Variants in TYW1B observed in about 807,000 individuals in gnomAD.
TYW1B encodes S-adenosyl-L-methionine-dependent tRNA 4-demethylwyosine synthase TYW1B.
TYW1B carries 73 observed loss-of-function variants against 86.9 expected under a neutral mutation model. That is an observed-to-expected ratio of 0.84 (90% CI 0.70 to 1.02). The LOEUF is 1.02. TYW1B is among the 50% of genes least tolerant of loss of function. The pLI is 0.00. For missense variants in TYW1B, 637 were observed against 827.4 expected (o/e 0.77, Z 2.82); for synonymous variants, 248 against 292.8 (o/e 0.85, Z 1.56).
chr7:72,811,062 G>A (rs1292756853), intron 3 of TYW1B, among the ~76,000 whole-genome samples: 1 of 151,790 alleles, frequency 6.6e-6, no homozygotes. Flanking sequence ...ACAAGGTCAG[G>A]AGATCGAGAC....
At chr7:72,591,692 G>T (rs536807708) in intron 13 of TYW1B, among the ~76,000 whole-genome samples, 1 of 152,174 alleles carries the variant, frequency 6.6e-6, no homozygotes, top group African/African-American at 2.4e-5. Context: ...CCTACAGGTT[G>T]AAATGAAAGG....
intron 11 of TYW1B, among the ~76,000 whole-genome samples, chr7:72,675,888 A>G (rs1332084908): frequency 6.6e-6 from 1 of 152,206 alleles, no homozygotes; most frequent in Admixed American, 6.5e-5. Flanking sequence ...CTATTACATA[A>G]TATTTCATAA....
At chr7:72,601,663 A>G (rs1176817008) in intron 13 of TYW1B, among the ~76,000 whole-genome samples, 7 of 151,460 alleles carry the variant, frequency 4.6e-5, no homozygotes, top group Non-Finnish European at 8.8e-5. Flanking sequence ...CATCCACACA[A>G]TGGGAGTTTT....
chr7:72,752,156 C>T (rs13224992), intron 7 of TYW1B, among the ~76,000 whole-genome samples: 104,333 of 152,014 alleles, frequency 0.69, 36,747 homozygotes, highest in Non-Finnish European at 0.77. Flanking sequence ...CAGCCAACAT[C>T]ATAACTCTTG....
chr7:72,694,339 T>C (rs560023968), intron 11 of TYW1B, among the ~76,000 whole-genome samples: 13 of 152,188 alleles, frequency 8.5e-5, no homozygotes, highest in Non-Finnish European at 1.8e-4. Context: ...CAATCTTCCA[T>C]AGATTCCGGG....
chr7:72,738,628 CA>C, intron 8 of TYW1B, among the ~76,000 whole-genome samples: 1 of 152,272 alleles, frequency 6.6e-6, no homozygotes, highest in East Asian at 1.9e-4. Flanking sequence ...GAGACATTGT[CA>C]AATGTTCCAA....
chr7:72,632,285 G>GTA (rs1239640717), intron 11 of TYW1B, among the ~76,000 whole-genome samples: 31 of 83,546 alleles, frequency 3.7e-4, no homozygotes, highest in Middle Eastern at 5.6e-3. Context: ...ATATATACGT[G>GTA]TATATATATA....
At chr7:72,625,167 C>T (rs1554438573) in intron 12 of TYW1B, among the ~76,000 whole-genome samples, 2 of 152,048 alleles carry the variant, frequency 1.3e-5, no homozygotes, top group Non-Finnish European at 2.9e-5. Flanking sequence ...TGCCTATTTT[C>T]AATAAAACAT....
At chr7:72,582,569 G>A (rs1383300360) in intron 13 of TYW1B, among the ~76,000 whole-genome samples, 1 of 152,122 alleles carries the variant, frequency 6.6e-6, no homozygotes, top group Non-Finnish European at 1.5e-5. Context: ...TAGAAGTTGC[G>A]TTTCCTGTGA....
At chr7:72,633,375 C>T (rs1160583190) in intron 11 of TYW1B, among the ~76,000 whole-genome samples, 9 of 152,232 alleles carry the variant, frequency 5.9e-5, no homozygotes, top group Non-Finnish European at 2.9e-5. Context: ...GCCAAAAACC[C>T]TCCCAAGCTA....
intron 12 of TYW1B, among the ~76,000 whole-genome samples, chr7:72,622,635 A>C (rs1422135650): frequency 3.3e-5 from 5 of 151,986 alleles, no homozygotes; most frequent in African/African-American, 1.2e-4. Flanking sequence ...ACACAAACAC[A>C]CACACATACA....
At chr7:72,741,521 T>C (rs1478540934) in intron 8 of TYW1B, among the ~76,000 whole-genome samples, 1 of 151,974 alleles carries the variant, frequency 6.6e-6, no homozygotes, top group Non-Finnish European at 1.5e-5. Context: ...TACCAACATA[T>C]GCATAATAAA....
At position 72,616,708 on chromosome 7, in the gene TYW1B, G is replaced by A. The variant is rs377744260; in HGVS notation, c.1749C>T (p.His583=). 77 of 1,614,148 alleles carry A rather than the reference G, an allele frequency of 4.8e-5. 1 individual carries two copies. Among genetic ancestry groups the A allele is most frequent in the African/African-American group, 3.9e-4 (29 of 75,060 alleles). The stretch of plus-strand genomic sequence containing the variant: ...CTATCAGGAGGCAATTAGAGTGTTC[G>A]TGTTCACATGCAATTTCATATTCGG... ...LIPEYEIACE[H]EHSNCLLIAH... is the part of the protein sequence containing the mutation. Residue 583 remains histidine (H), a synonymous_variant, in exon 13 of 14, where the codon CAC becomes CAT. Transcript: ENST00000620995.
chr7:72,592,936 AC>A (rs1811430632), intron 13 of TYW1B, among the ~76,000 whole-genome samples: 1 of 152,242 alleles, frequency 6.6e-6, no homozygotes, highest in African/African-American at 2.4e-5. Flanking sequence ...TGACAATTCT[AC>A]AACAATACTC....
intron 11 of TYW1B, among the ~76,000 whole-genome samples, chr7:72,674,558 T>C (rs778544778): frequency 2.0e-5 from 3 of 152,046 alleles, no homozygotes; most frequent in Non-Finnish European, 2.9e-5. Flanking sequence ...GAAGCTGTAA[T>C]GCTCAGCCAC....
intron 13 of TYW1B, among the ~76,000 whole-genome samples, chr7:72,603,740 CT>C: frequency 6.6e-6 from 1 of 152,258 alleles, no homozygotes; most frequent in East Asian, 1.9e-4. Flanking sequence ...GAAAACGGCA[CT>C]TCACCTCAGT....
chr7:72,579,250 G>T (rs1348570511), intron 13 of TYW1B, among the ~76,000 whole-genome samples: 1 of 152,142 alleles, frequency 6.6e-6, no homozygotes, highest in Admixed American at 6.5e-5. Flanking sequence ...TGCACTAAAA[G>T]ATCTGGTTTC....
chr7:72,603,666 G>A (rs1811728259), intron 13 of TYW1B, among the ~76,000 whole-genome samples: 1 of 152,088 alleles, frequency 6.6e-6, no homozygotes, highest in Non-Finnish European at 1.5e-5. Context: ...TTGGTGGATC[G>A]AGGTCAGCAT....
chr7:72,711,849 A>G (rs1786674468), intron 10 of TYW1B, among the ~76,000 whole-genome samples: 3 of 72,048 alleles, frequency 4.2e-5, no homozygotes, highest in Admixed American at 4.1e-4. Flanking sequence ...TTGAATTCAA[A>G]AAGATCTTTT....
Sources: allele counts gnomAD v4.1 joint callset (sites outside exome capture counted in the v4.1 genomes callset), GRCh38; gene constraint gnomAD v4.1.1; transcripts MANE v1.5; gene names NCBI Gene and HGNC (gene_info 2026-07-23, HGNC 2026-07-21).